The following TULP4 variants were observed in gnomAD, a reference collection of about 807,000 sequenced individuals.
TULP4 encodes TUB like protein 4.
A neutral mutation model predicts 129.0 loss-of-function variants in TULP4; 16 were observed. The ratio of observed to expected loss-of-function variants is 0.12; its 90% CI spans 0.08 to 0.19. The LOEUF is 0.19. TULP4 is among the 10% of genes least tolerant of loss of function. The pLI is 1.00. For missense variants in TULP4, 1,842 were observed against 2,059.1 expected (o/e 0.89, Z 2.04); for synonymous variants, 998 against 854.0 (o/e 1.17, Z -2.94).
intron 1 of TULP4, among the ~76,000 whole-genome samples, chr6:158,245,036 CTG>C (rs1778001148): frequency 6.6e-6 from 1 of 152,072 alleles, no homozygotes; most frequent in Non-Finnish European, 1.5e-5. Context: ...GTCACCCAGG[CTG>C]GAGTGCAGTG....
At chr6:158,233,042 G>A (rs1777627162) in intron 1 of TULP4, among the ~76,000 whole-genome samples, 1 of 152,248 alleles carries the variant, frequency 6.6e-6, no homozygotes, top group Non-Finnish European at 1.5e-5. Flanking sequence ...TGACCCGCTT[G>A]GGGCAATTAG....
chr6:158,256,808 T>TC (rs34997302), intron 1 of TULP4, among the ~76,000 whole-genome samples: 2 of 152,078 alleles, frequency 1.3e-5, no homozygotes, highest in Non-Finnish European at 2.9e-5. Flanking sequence ...TAATGAGACT[T>TC]CCCCCCTATG....
upstream of TULP4, among the ~76,000 whole-genome samples, chr6:158,309,036 C>G (rs1363700475): frequency 6.9e-6 from 1 of 144,200 alleles, no homozygotes; most frequent in Non-Finnish European, 1.5e-5. Context: ...GGGGGCTGAC[C>G]CCCACCTCCC....
At chr6:158,365,568 G>T (rs373177543) in intron 1 of TULP4, among the ~76,000 whole-genome samples, 1 of 147,154 alleles carries the variant, frequency 6.8e-6, no homozygotes, top group South Asian at 2.2e-4. Flanking sequence ...GCTCCGCCTC[G>T]CAGGTTCACG....
intron 13 of TULP4, among the ~76,000 whole-genome samples, chr6:158,506,222 CTTTTTTTTTTTTT>C (rs61292138): frequency 9.0e-5 from 5 of 55,498 alleles, no homozygotes; most frequent in East Asian, 5.1e-4. Context: ...TCGCCTTGTT[CTTTTTTTTTTTTT>C]TTTTTTTTTT....
At chr6:158,435,889 C>T (rs542106734) in intron 3 of TULP4, among the ~76,000 whole-genome samples, 5 of 152,162 alleles carry the variant, frequency 3.3e-5, no homozygotes, top group South Asian at 2.1e-4. Flanking sequence ...TCGTTTGTGC[C>T]CTCAACTGGG....
chr6:158,320,600 T>TC (rs1779603069), intron 1 of TULP4, among the ~76,000 whole-genome samples: 1 of 151,920 alleles, frequency 6.6e-6, no homozygotes. Context: ...CCCAGCTAAT[T>TC]TTTGTATTTT....
intron 1 of TULP4, among the ~76,000 whole-genome samples, chr6:158,276,464 T>C (rs1162236297): frequency 6.7e-6 from 1 of 149,610 alleles, no homozygotes; most frequent in Non-Finnish European, 1.5e-5. Context: ...AACCACCCCC[T>C]GGCTAATTTT....
rs1315697757 is a variant in TULP4, at chr6:158,241,242, A to G, written n.68+8939A>G. Among the ~76,000 whole-genome samples the G allele has an allele frequency of 4.9e-5, 6 of 121,874 alleles. 1 individual carries two copies. Among genetic ancestry groups the G allele is most frequent in the Non-Finnish European group, 1.1e-4 (6 of 54,564 alleles). The allele number at this position is 121,874 out of a possible 152,430, so 80.0% of individuals were successfully genotyped here. On this transcript the variant is annotated intron_variant and non_coding_transcript_variant, in intron 1 of 1. Transcript: ENST00000620026. ...CCTAGATGGGATGGCGGCCGGGCGG[A>G]GACGCTCCTCACTTTCCAGACTGGG...
intron 7 of TULP4, among the ~76,000 whole-genome samples, 166 bp from the exon 8 acceptor site, chr6:158,480,889 A>AACCAC (rs1238232289): frequency 6.6e-6 from 1 of 152,038 alleles, no homozygotes; most frequent in Admixed American, 6.6e-5. Context: ...TACCATTGCA[A>AACCAC]ACCACTGTTC....
At chr6:158,398,625 A>T (rs1777773076) in intron 1 of TULP4, 1 of 152,260 alleles carries the variant, frequency 6.6e-6, no homozygotes, top group Non-Finnish European at 1.5e-5. Flanking sequence ...CTAATTTTTA[A>T]AAAAGACTTT....
At chr6:158,341,015 C>T (rs1199569141) in intron 1 of TULP4, among the ~76,000 whole-genome samples, 2 of 152,134 alleles carry the variant, frequency 1.3e-5, no homozygotes, top group African/African-American at 2.4e-5. Context: ...TGCTACTGAA[C>T]ACTAGATCTT....
intron 3 of TULP4, among the ~76,000 whole-genome samples, chr6:158,439,168 C>T (rs1289168132): frequency 9.1e-6 from 1 of 109,732 alleles, no homozygotes; most frequent in African/African-American, 5.2e-5. Flanking sequence ...AAGACTCCGT[C>T]TCAAAAAAAA....
chr6:158,310,833 A>G (rs1445870908), upstream of TULP4, among the ~76,000 whole-genome samples: 1 of 152,236 alleles, frequency 6.6e-6, no homozygotes, highest in Admixed American at 6.5e-5. Context: ...AGTCCACAGA[A>G]GTACTTTATG....
upstream of TULP4, among the ~76,000 whole-genome samples, chr6:158,279,308 T>C (rs1187467629): frequency 6.6e-6 from 1 of 152,188 alleles, no homozygotes; most frequent in Non-Finnish European, 1.5e-5. Context: ...AAATTATATA[T>C]GCTTTCTACC....
intron 1 of TULP4, among the ~76,000 whole-genome samples, chr6:158,291,635 T>C (rs961489755): frequency 1.3e-5 from 2 of 152,202 alleles, no homozygotes; most frequent in African/African-American, 4.8e-5. Context: ...TCTTTTCCAT[T>C]TTCTCTGTTC....
At chr6:158,385,840 A>ATTTTTTTTTTTTTTTTTTTTT (rs1397821107) in intron 1 of TULP4, among the ~76,000 whole-genome samples, 12 of 34,038 alleles carry the variant, frequency 3.5e-4, no homozygotes, top group South Asian at 1.1e-3. Flanking sequence ...AATGTGGAAT[A>ATTTTTTTTTTTTTTTTTTTTT]TCTTTTTTTT....
At chr6:158,451,114 A>G (rs989293237) in intron 4 of TULP4, among the ~76,000 whole-genome samples, 1 of 152,186 alleles carries the variant, frequency 6.6e-6, no homozygotes, top group African/African-American at 2.4e-5. Flanking sequence ...AAAAAAAAAC[A>G]GGACTCAGAG....
At chr6:158,453,924 G>T (rs1188880685) in intron 5 of TULP4, among the ~76,000 whole-genome samples, 1 of 151,692 alleles carries the variant, frequency 6.6e-6, no homozygotes, top group Non-Finnish European at 1.5e-5. Flanking sequence ...CTGCATTCCG[G>T]CCTGGGCAAC....
Sources: allele counts gnomAD v4.1 joint callset (sites outside exome capture counted in the v4.1 genomes callset), GRCh38; gene constraint gnomAD v4.1.1; transcripts MANE v1.5; gene names NCBI Gene and HGNC (gene_info 2026-07-23, HGNC 2026-07-21).